Variants in PIK3AP1 observed in about 807,000 individuals in gnomAD.
PIK3AP1 encodes the protein phosphoinositide-3-kinase adaptor protein 1.
PIK3AP1 carries 21 observed loss-of-function variants against 88.1 expected under a neutral mutation model. That is an observed-to-expected ratio of 0.24 (90% confidence interval 0.17 to 0.34). The LOEUF (loss-of-function observed/expected upper bound fraction) is 0.34, where lower values mean the gene tolerates loss of function less well. PIK3AP1 is among the 10% of genes least tolerant of loss of function. The pLI is 1.00. For synonymous variants in PIK3AP1, 398 were observed against 400.0 expected, an observed-to-expected ratio of 1.00 and a Z score of 0.06; for missense variants, 828 against 1,035.7, an observed-to-expected ratio of 0.80 and a Z score of 2.75.
At chr10:96,711,275 G>C (rs995174862) in intron 1 of PIK3AP1, among the ~76,000 whole-genome samples, 1 of 152,194 alleles carries the variant, frequency 6.6e-6, no homozygotes, top group Non-Finnish European at 1.5e-5. Flanking sequence ...CCACCCATCA[G>C]GAACTATGTC....
chr10:96,629,930 A>AAAAAAAAAAG (rs776780994), intron 8 of PIK3AP1, among the ~76,000 whole-genome samples: 1 of 13,724 alleles, frequency 7.3e-5, no homozygotes, highest in Non-Finnish European at 1.6e-4. Flanking sequence ...AAAAAAAAAA[A>AAAAAAAAAAG]AAGAAGAAGA....
At chr10:96,667,494 T>A (rs1843780946) in intron 2 of PIK3AP1, among the ~76,000 whole-genome samples, 1 of 152,158 alleles carries the variant, frequency 6.6e-6, no homozygotes, top group South Asian at 2.1e-4. Context: ...ATTGGTATCA[T>A]TCCACACATT....
At chr10:96,629,512 A>T (rs7895655) in intron 8 of PIK3AP1, among the ~76,000 whole-genome samples, 132,498 of 151,860 alleles carry the variant, frequency 0.87, 58,716 homozygotes, top group East Asian at 1. Flanking sequence ...AATACAATAT[A>T]CTAGATAATT....
chr10:96,713,975 ACCAG>A (rs1844470908), intron 1 of PIK3AP1, among the ~76,000 whole-genome samples: 1 of 152,162 alleles, frequency 6.6e-6, no homozygotes, highest in African/African-American at 2.4e-5. Flanking sequence ...GGAGTTCGAG[ACCAG>A]CCTGACCAAT....
chr10:96,595,059 G>T lies in PIK3AP1; in HGVS notation c.*518C>A. ...CTAATCCCTCTAGTCTTTTTCAGTT[G>T]GTTGTGTGTGACCAGCCCTAGCACT... is the stretch of plus-strand genomic sequence containing the variant. On this transcript the variant is annotated 3_prime_UTR_variant, in exon 17 of 17. Coordinates refer to ENST00000339364, the MANE Select transcript of PIK3AP1 (RefSeq NM_152309.3). 6.4e-6 allele frequency: 1 copy of T among 155,432 alleles called. No homozygotes were observed. The allele number at this position is 155,432 out of a possible 1,614,324, so 9.6% of individuals were successfully genotyped here. A position where few individuals can be genotyped will look rare whatever the true frequency, so the allele number is the denominator to read the frequency against.
At chr10:96,688,873 T>TA (rs1844112368) in intron 2 of PIK3AP1, among the ~76,000 whole-genome samples, 1 of 151,974 alleles carries the variant, frequency 6.6e-6, no homozygotes, top group African/African-American at 2.4e-5. Flanking sequence ...TCTGGCTAAT[T>TA]AAAATACGCA....
At chr10:96,638,467 C>G (rs11188864) in intron 8 of PIK3AP1, among the ~76,000 whole-genome samples, 2 of 72,402 alleles carry the variant, frequency 2.8e-5, no homozygotes, top group Non-Finnish European at 6.1e-5. Flanking sequence ...CACACACACA[C>G]ACAGACACAC....
In PIK3AP1 at chr10:96,617,820, G is replaced by A. The variant is rs142283981; in HGVS notation, c.1942-1109C>T. Among the ~76,000 whole-genome samples the A allele has an allele frequency of 1.8e-3, 269 of 152,314 alleles. 1 individual carries two copies. The highest frequency in any genetic ancestry group is 3.4e-3 in the Middle Eastern group (1 of 294). ...AGAGAGGCTGTTGGGAAAGGAAAGCGGCCTTGAGGGATGGTTTGTTGTTAG... is the reference window on the plus strand; with the variant it reads ...AGAGAGGCTGTTGGGAAAGGAAAGCAGCCTTGAGGGATGGTTTGTTGTTAG... On this transcript the variant is annotated intron_variant, in intron 12 of 16. Coordinates refer to ENST00000339364, the MANE Select transcript of PIK3AP1 (RefSeq NM_152309.3).
chr10:96,604,086 T>C (rs902342560), intron 14 of PIK3AP1, 37 bp from the exon 15 acceptor site: 1 of 1,460,336 alleles, frequency 6.8e-7, no homozygotes, highest in Non-Finnish European at 9.4e-7. Context: ...GATTGAGGAT[T>C]CTTTCAGGCT....
At chr10:96,650,778 A>T (rs1012381925) in intron 6 of PIK3AP1, among the ~76,000 whole-genome samples, 1 of 152,238 alleles carries the variant, frequency 6.6e-6, no homozygotes, top group Non-Finnish European at 1.5e-5. Flanking sequence ...AAGTGGCAAG[A>T]GACAGGTGAA....
intron 2 of PIK3AP1, among the ~76,000 whole-genome samples, chr10:96,699,447 T>C (rs1844264835): frequency 6.6e-6 from 1 of 152,252 alleles, no homozygotes; most frequent in Non-Finnish European, 1.5e-5. Context: ...ACTATATCAT[T>C]AAAATTAATT....
At chr10:96,607,515 G>C (rs913145108) in intron 14 of PIK3AP1, among the ~76,000 whole-genome samples, 1 of 151,146 alleles carries the variant, frequency 6.6e-6, no homozygotes, top group East Asian at 2.0e-4. Context: ...TCAACCTCCC[G>C]CCCAGGATCC....
At chr10:96,605,912 C>T (rs951258582) in intron 14 of PIK3AP1, among the ~76,000 whole-genome samples, 20 of 152,028 alleles carry the variant, frequency 1.3e-4, no homozygotes, top group African/African-American at 2.9e-4. Context: ...GGTGAAACCC[C>T]GTATCTACTA....
Position 96,623,455 on chromosome 10 carries a change from TATAAC to T in PIK3AP1, c.1735+12_1735+16del. ...TTCAACCACACAAAAGTTCAGTTCATATAACACATGGCTTACCTTTCCTGATGCTC... is the reference window on the plus strand; with the variant it reads ...TTCAACCACACAAAAGTTCAGTTCATACATGGCTTACCTTTCCTGATGCTC... On this transcript the variant is annotated intron_variant, in intron 11 of 16. Transcript: ENST00000339364. 6.3e-7 allele frequency: 1 copy of T among 1,597,630 alleles called. No homozygotes were observed. The highest frequency in any genetic ancestry group is 8.6e-7 in the Non-Finnish European group (1 of 1,165,552).
chr10:96,616,493 A>G, intron 13 of PIK3AP1, 146 bp downstream of exon 13: 1 of 772,400 alleles, frequency 1.3e-6, no homozygotes, highest in Non-Finnish European at 2.2e-6. Context: ...AGGCCTTTAC[A>G]GTCTAGTGGG....
intron 2 of PIK3AP1, among the ~76,000 whole-genome samples, chr10:96,679,180 T>C (rs1007114325): frequency 5.3e-5 from 8 of 152,174 alleles, no homozygotes; most frequent in Admixed American, 5.2e-4. Context: ...ACTTGAATAT[T>C]ACAGAGACAA....
chr10:96,595,744 C>T (rs748639962), intron 16 of PIK3AP1, 110 bp from the exon 17 acceptor site: 25 of 1,006,854 alleles, frequency 2.5e-5, no homozygotes, highest in Non-Finnish European at 3.4e-5. Flanking sequence ...ACACAATCCT[C>T]AATGAGACAG....
intron 8 of PIK3AP1, among the ~76,000 whole-genome samples, chr10:96,642,008 C>A (rs1449026254): frequency 6.6e-6 from 1 of 152,198 alleles, no homozygotes; most frequent in Admixed American, 6.5e-5. Flanking sequence ...GTCCAAGTTG[C>A]TGCTGCTTCT....
intron 16 of PIK3AP1, among the ~76,000 whole-genome samples, chr10:96,598,107 A>C (rs540292697): frequency 1.3e-5 from 2 of 149,626 alleles, no homozygotes; most frequent in East Asian, 3.9e-4. Context: ...GCAATGGCGC[A>C]ATCACAGCTT....
Sources: gnomAD v4.1 joint callset for allele counts (sites outside exome capture counted in the v4.1 genomes callset) on GRCh38, gnomAD v4.1.1 for gene constraint, MANE v1.5 for transcripts, NCBI Gene and HGNC (gene_info 2026-07-23, HGNC 2026-07-21) for gene names.